FAM20A: variants seen among roughly 807,000 people sequenced by gnomAD.
FAM20A encodes FAM20A golgi associated secretory pathway pseudokinase.
Under a neutral mutation model 52.0 loss-of-function variants are expected in FAM20A, and 42 were observed. The observed-to-expected ratio is 0.81, with a 90% CI of 0.63 to 1.04. The LOEUF is 1.04. Among genes scored for constraint, FAM20A ranks in the 50% least tolerant of loss-of-function variants. The pLI, the probability that FAM20A is intolerant of heterozygous loss-of-function variation, is 0.00. For synonymous variants in FAM20A, 304 were observed against 298.9 expected, an observed-to-expected ratio of 1.02 and a Z score of -0.18; for missense variants, 742 against 712.7, an observed-to-expected ratio of 1.04 and a Z score of -0.47.
chr17:68,565,383 C>CTTTTTTTTTTTTTTTT lies in FAM20A; in HGVS notation c.405-9656_405-9641dup, dbSNP rs796800181. Among the ~76,000 whole-genome samples the CTTTTTTTTTTTTTTTT allele has an allele frequency of 1.2e-4, 12 of 103,794 alleles. 1 individual carries two copies. The highest frequency in any genetic ancestry group is 4.8e-4 in the African/African-American group (11 of 22,986). The allele number at this position is 103,794 out of a possible 152,430, so 68.1% of individuals were successfully genotyped here. On this transcript the variant is annotated intron_variant, in intron 1 of 10. Transcript: ENST00000592554. ...CCTGGAGTTTAACCTCCATTACCTC[C>CTTTTTTTTTTTTTTTT]TTTTTTTTTTTTTTTTTTTTTTTTT...
intron 1 of FAM20A, among the ~76,000 whole-genome samples, chr17:68,577,630 A>G (rs1322114845): frequency 6.6e-6 from 1 of 152,232 alleles, no homozygotes; most frequent in Non-Finnish European, 1.5e-5. Flanking sequence ...AGAGCCATAG[A>G]ATAATGAGCA....
At chr17:68,591,936 GTCCGTGAACCTAA>G (rs942095156) in intron 1 of FAM20A, 1 of 152,112 alleles carries the variant, frequency 6.6e-6, no homozygotes, top group East Asian at 1.9e-4. Context: ...CCTTCTATGT[GTCCGTGAACCTAA>G]TCTTTCCTGG....
At chr17:68,555,795 C>T in intron 1 of FAM20A, 52 bp from the exon 2 acceptor site, 1 of 1,592,604 alleles carries the variant, frequency 6.3e-7, no homozygotes, top group Non-Finnish European at 8.6e-7. Flanking sequence ...CAAAGACCCA[C>T]CAAGATACCT....
At chr17:68,580,161 A>G (rs1237957071) in intron 1 of FAM20A, among the ~76,000 whole-genome samples, 1 of 152,216 alleles carries the variant, frequency 6.6e-6, no homozygotes, top group Non-Finnish European at 1.5e-5. Context: ...CAGGGTTGTG[A>G]CCTGAGCTTT....
At chr17:68,595,154 G>A (rs918707982) in intron 1 of FAM20A, among the ~76,000 whole-genome samples, 5 of 152,204 alleles carry the variant, frequency 3.3e-5, no homozygotes, top group African/African-American at 1.2e-4. Flanking sequence ...TTAGCCACTT[G>A]GGTTCTCAGG....
At chr17:68,552,826 C>T (rs927015253) in intron 3 of FAM20A, among the ~76,000 whole-genome samples, 4 of 138,774 alleles carry the variant, frequency 2.9e-5, no homozygotes, top group Non-Finnish European at 6.3e-5. Context: ...GGACTACAGG[C>T]GCCCGCCACC....
rs970645302 is a variant in FAM20A, at chr17:68,536,553, C to T, written c.*924G>A. ...GTCACAGGGAGGGGCATCTAGAGGG[C>T]CTCACCTTTCCACATAGCCCCTTTC... On this transcript the variant is annotated 3_prime_UTR_variant, in exon 11 of 11. Transcript: ENST00000592554. 8.8e-6 allele frequency: 4 copies of T among 453,932 alleles called. No homozygotes were observed. The highest frequency in any genetic ancestry group is 2.0e-5 in the African/African-American group (1 of 49,982). The allele number at this position is 453,932 out of a possible 1,614,324, so 28.1% of individuals were successfully genotyped here.
intron 1 of FAM20A, among the ~76,000 whole-genome samples, chr17:68,587,179 T>C (rs1164176955): frequency 2.0e-5 from 3 of 152,226 alleles, no homozygotes; most frequent in Admixed American, 1.3e-4. Context: ...ATTATAGGCA[T>C]GAGCCACCGC....
chr17:68,599,349 G>C lies in FAM20A; in HGVS notation c.404+914C>G, dbSNP rs1248349719. On this transcript the variant is annotated intron_variant, in intron 1 of 10. Transcript: ENST00000592554. ...GACAAGTTCTGTACTTCAAAACAGA[G>C]TCCTTAACTCATACGAAGGCTTCCT... Among the ~76,000 whole-genome samples, 5 of 152,300 alleles carry C rather than the reference G, an allele frequency of 3.3e-5. No individual in the cohort carries two copies. In the South Asian group the frequency reaches 6.2e-4, roughly 19 times the overall value.
intron 9 of FAM20A, 43 bp downstream of exon 9, chr17:68,539,842 C>G (rs1305928827): frequency 6.3e-7 from 1 of 1,589,626 alleles, no homozygotes; most frequent in Non-Finnish European, 8.6e-7. Context: ...CAGAGCAGCA[C>G]ATCTGGGAGA....
chr17:68,542,231 C>T (rs994152711), intron 6 of FAM20A, 66 bp from the exon 7 acceptor site: 13 of 1,560,302 alleles, frequency 8.3e-6, no homozygotes, highest in Non-Finnish European at 1.1e-5. Context: ...TCTTCCTGGC[C>T]TAGGAAATCC....
rs2087031609 is a variant in FAM20A, at chr17:68,555,700, C to T, written c.448G>A (p.Asp150Asn). ...TCGAGTCGGAGCTGCAGTGGGGGGT[C>T]CAGGGAGGTAAGGTTCATCTGCTCT... ...YREQMNLTSL[D>N]PPLQLRLEAS... Residue 150 changes from aspartate to asparagine, a missense_variant, in exon 2 of 11, where the codon GAC becomes AAC. Coordinates refer to ENST00000592554, the MANE Select transcript of FAM20A (RefSeq NM_017565.4). The T allele has an allele frequency of 1.2e-6, 2 of 1,613,866 alleles. No individual in the cohort carries two copies. Among genetic ancestry groups the T allele is most frequent in the Non-Finnish European group, 8.5e-7 (1 of 1,180,004 alleles).
chr17:68,565,051 A>G (rs556790658), intron 1 of FAM20A, among the ~76,000 whole-genome samples: 2 of 152,174 alleles, frequency 1.3e-5, no homozygotes, highest in Non-Finnish European at 2.9e-5. Context: ...AATAGAAGGA[A>G]TAGGTTTGGA....
At chr17:68,558,523 T>C (rs2087119107) in intron 1 of FAM20A, 1 of 208,256 alleles carries the variant, frequency 4.8e-6, no homozygotes, top group South Asian at 5.8e-5. Context: ...TTTAAAGGCA[T>C]ATGGCACCTC....
Position 68,600,734 on chromosome 17 carries a change from G to A in FAM20A, c.-68C>T. ...TCCGGGGTCCCGGGAGGGGTCGCGG[G>A]GTGCGGGCAGAAGAGGTGCCTGGAG... On this transcript the variant is annotated 5_prime_UTR_variant, in exon 1 of 11. Transcript: ENST00000592554. The surrounding 1 kb of genome is among the most constrained non-coding windows in gnomAD (Gnocchi z 6.2). 1 of 1,493,970 alleles carries A rather than the reference G, an allele frequency of 6.7e-7. No individual in the cohort carries two copies. The allele number at this position is 1,493,970 out of a possible 1,614,324, so 92.5% of individuals were successfully genotyped here.
intron 1 of FAM20A, among the ~76,000 whole-genome samples, chr17:68,595,841 G>C (rs1171039453): frequency 6.6e-6 from 1 of 152,210 alleles, no homozygotes; most frequent in Non-Finnish European, 1.5e-5. Flanking sequence ...AGATGGGAGT[G>C]AGAATGGAGA....
chr17:68,537,674 T>TC lies in FAM20A; in HGVS notation c.1428dup (p.Met477AspfsTer16). The TC allele has an allele frequency of 6.2e-7, 1 of 1,613,842 alleles. No individual in the cohort carries two copies. The highest frequency in any genetic ancestry group is 8.5e-7 in the Non-Finnish European group (1 of 1,179,900). Reference sequence around the variant, plus strand: ...TGGTCTTCCAGCAGTGATTCTCGCATCACATCGCTGAGTCTGTAGTCAGCT... The same window carrying TC: ...TGGTCTTCCAGCAGTGATTCTCGCATCCACATCGCTGAGTCTGTAGTCAGCT... On this transcript the variant is annotated frameshift_variant, in exon 11 of 11. Coordinates refer to ENST00000592554, the MANE Select transcript of FAM20A (RefSeq NM_017565.4). LOFTEE classifies it low-confidence loss of function (END_TRUNC). The surrounding 1 kb of genome is among the most constrained non-coding windows in gnomAD (Gnocchi z 4.2).
intron 1 of FAM20A, among the ~76,000 whole-genome samples, chr17:68,575,826 ACACACAT>A (rs1446138357): frequency 2.2e-5 from 3 of 137,402 alleles, no homozygotes; most frequent in South Asian, 2.5e-4. Flanking sequence ...ACACACACAC[ACACACAT>A]AATCAGCCAT....
At chr17:68,567,653 A>G (rs956074090) in intron 1 of FAM20A, among the ~76,000 whole-genome samples, 2 of 151,928 alleles carry the variant, frequency 1.3e-5, no homozygotes, top group African/African-American at 4.9e-5. Flanking sequence ...TATACCTGAA[A>G]GTTTGTCCTG....
Sources: gnomAD v4.1 joint callset for allele counts (sites outside exome capture counted in the v4.1 genomes callset) on GRCh38, gnomAD v4.1.1 for gene constraint, Gnocchi (gnomAD v3.1) non-coding constraint, MANE v1.5 for transcripts, NCBI Gene and HGNC (gene_info 2026-07-23, HGNC 2026-07-21) for gene names.